The following OXR1 variants were observed in gnomAD, a reference collection of about 807,000 sequenced individuals.
OXR1 encodes oxidation resistance protein 1.
Under a neutral mutation model 104.6 loss-of-function variants are expected in OXR1, and 41 were observed. The observed-to-expected ratio is 0.39, with a 90% CI of 0.31 to 0.51. The LOEUF is 0.51. Ranked by LOEUF, OXR1 falls within the 20% of genes least tolerant of loss-of-function variation. The pLI, the probability that OXR1 is intolerant of heterozygous loss-of-function variation, is 0.77. For missense variants in OXR1, 955 were observed against 1,031.9 expected (o/e 0.93, Z 1.02); for synonymous variants, 348 against 348.4 (o/e 1.00, Z 0.01).
chr8:106,411,720 C>T (rs1818464472), intron 2 of OXR1, among the ~76,000 whole-genome samples: 1 of 152,134 alleles, frequency 6.6e-6, no homozygotes, highest in African/African-American at 2.4e-5. Flanking sequence ...ACTCTTAGAA[C>T]TTTGGCCTTT....
intron 1 of OXR1, among the ~76,000 whole-genome samples, chr8:106,278,643 C>T (rs924132276): frequency 1.3e-5 from 2 of 152,004 alleles, no homozygotes; most frequent in African/African-American, 4.8e-5. Flanking sequence ...ACTAAGGATG[C>T]TTTCTCTCAT....
chr8:106,726,149 C>T, intron 11 of OXR1: 2 of 1,457,336 alleles, frequency 1.4e-6, no homozygotes, highest in Non-Finnish European at 1.8e-6. Flanking sequence ...TGTAGTAAGG[C>T]TCTAGTGCTG....
chr8:106,412,075 A>T (rs1479065453), intron 2 of OXR1, among the ~76,000 whole-genome samples: 2 of 152,172 alleles, frequency 1.3e-5, no homozygotes, highest in Non-Finnish European at 2.9e-5. Context: ...TACATTCCTG[A>T]TGCATGTTAA....
intron 3 of OXR1, among the ~76,000 whole-genome samples, chr8:106,537,779 C>T (rs1814654219): frequency 2.6e-5 from 4 of 151,828 alleles, no homozygotes; most frequent in Admixed American, 2.6e-4. Context: ...GGAGACTTGA[C>T]GTAGATAGGT....
intron 3 of OXR1, among the ~76,000 whole-genome samples, chr8:106,540,046 T>C (rs1468350684): frequency 6.6e-6 from 1 of 152,190 alleles, no homozygotes; most frequent in Non-Finnish European, 1.5e-5. Flanking sequence ...CTTTTCTGTC[T>C]TTGAAAAAGT....
At chr8:106,395,998 G>A (rs1385264835) in intron 2 of OXR1, among the ~76,000 whole-genome samples, 1 of 152,036 alleles carries the variant, frequency 6.6e-6, no homozygotes, top group Non-Finnish European at 1.5e-5. Flanking sequence ...AACCATTAAA[G>A]CAGCAAAATA....
chr8:106,339,356 G>A (rs191397452), intron 1 of OXR1, among the ~76,000 whole-genome samples: 32 of 150,798 alleles, frequency 2.1e-4, no homozygotes, highest in African/African-American at 5.6e-4. Flanking sequence ...TCAGCCGGGC[G>A]TGGTGGCGAG....
chr8:106,402,816 TTTC>T (rs1201826140), intron 2 of OXR1, among the ~76,000 whole-genome samples: 1 of 149,966 alleles, frequency 6.7e-6, no homozygotes, highest in Non-Finnish European at 1.5e-5. Flanking sequence ...TCTTTCTTTC[TTTC>T]TTTTCTTTTT....
At chr8:106,652,351 C>T (rs1438526041) in intron 3 of OXR1, among the ~76,000 whole-genome samples, 1 of 151,876 alleles carries the variant, frequency 6.6e-6, no homozygotes. Flanking sequence ...GAATATTATC[C>T]AGGATAGACT....
intron 7 of OXR1, among the ~76,000 whole-genome samples, chr8:106,693,800 T>G (rs550422231): frequency 1.3e-5 from 2 of 152,130 alleles, no homozygotes; most frequent in Non-Finnish European, 2.9e-5. Context: ...AAAGAGAATA[T>G]AGTAAAGTAA....
chr8:106,347,741 A>C (rs1017074303), intron 1 of OXR1, among the ~76,000 whole-genome samples: 1 of 152,164 alleles, frequency 6.6e-6, no homozygotes, highest in Admixed American at 6.5e-5. Context: ...TGTGACTATT[A>C]CTATATCTGC....
At chr8:106,405,675 G>A (rs950231036) in intron 2 of OXR1, among the ~76,000 whole-genome samples, 2 of 152,072 alleles carry the variant, frequency 1.3e-5, no homozygotes, top group Non-Finnish European at 2.9e-5. Flanking sequence ...CCAGAATTGA[G>A]TCAACCCAGG....
At chr8:106,532,611 C>A (rs1814177804) in intron 3 of OXR1, among the ~76,000 whole-genome samples, 1 of 152,090 alleles carries the variant, frequency 6.6e-6, no homozygotes, top group Admixed American at 6.6e-5. Flanking sequence ...TAAGAGGCAG[C>A]AGGACAAGCA....
chr8:106,563,664 A>G (rs1439339892), intron 3 of OXR1, among the ~76,000 whole-genome samples: 1 of 152,178 alleles, frequency 6.6e-6, no homozygotes, highest in Non-Finnish European at 1.5e-5. Context: ...AGAGCTCTCC[A>G]CTTCAAATCA....
At chr8:106,663,881 G>A (rs371419268) in intron 3 of OXR1, among the ~76,000 whole-genome samples, 1 of 152,182 alleles carries the variant, frequency 6.6e-6, no homozygotes, top group Admixed American at 6.5e-5. Context: ...GTGCCGTAAA[G>A]GTTGGGGACC....
intron 1 of OXR1, among the ~76,000 whole-genome samples, chr8:106,319,281 G>C (rs1338490522): frequency 6.6e-6 from 1 of 152,286 alleles, no homozygotes. Context: ...AAAGCAGACT[G>C]TCTTCCCTCT....
intron 2 of OXR1, among the ~76,000 whole-genome samples, chr8:106,378,201 T>G (rs745648521): frequency 5.3e-5 from 8 of 152,184 alleles, no homozygotes; most frequent in African/African-American, 7.2e-5. Context: ...CAGGTTACTG[T>G]AGGGATTAAC....
chr8:106,417,397 G>C (rs1368547748), intron 2 of OXR1, among the ~76,000 whole-genome samples: 1 of 152,120 alleles, frequency 6.6e-6, no homozygotes, highest in African/African-American at 2.4e-5. Context: ...ACTCAGATCT[G>C]AGTAAGGTTT....
At chr8:106,650,230 C>T (rs1824449806) in intron 3 of OXR1, among the ~76,000 whole-genome samples, 1 of 152,154 alleles carries the variant, frequency 6.6e-6, no homozygotes, top group Admixed American at 6.5e-5. Flanking sequence ...ATTAAATCTT[C>T]CCGACATCTC....
Sources: allele counts gnomAD v4.1 joint callset (sites outside exome capture counted in the v4.1 genomes callset), GRCh38; gene constraint gnomAD v4.1.1; transcripts MANE v1.5; gene names NCBI Gene and HGNC (gene_info 2026-07-23, HGNC 2026-07-21).